Variants in ELF1 observed in about 807,000 individuals in gnomAD.
ELF1 encodes ETS-related transcription factor Elf-1.
In ELF1, 24 loss-of-function variants were observed where a neutral mutation model predicts 59.9. That is an observed-to-expected ratio of 0.40 (90% CI 0.29 to 0.56). ELF1 has a LOEUF of 0.56. ELF1 is among the 20% of genes least tolerant of loss of function. The pLI is 0.44. For missense variants in ELF1, 627 were observed against 742.2 expected, an observed-to-expected ratio of 0.84 and a Z score of 1.80; for synonymous variants, 248 against 266.2, an observed-to-expected ratio of 0.93 and a Z score of 0.67.
intron 1 of ELF1, among the ~76,000 whole-genome samples, chr13:41,028,945 A>G (rs1280890169): frequency 2.0e-5 from 3 of 151,928 alleles, no homozygotes; most frequent in Non-Finnish European, 4.4e-5. Flanking sequence ...GGGTTTCACC[A>G]TATTGGCCAG....
chr13:41,052,819 A>G (rs1054207347), intron 1 of ELF1, among the ~76,000 whole-genome samples: 13 of 152,242 alleles, frequency 8.5e-5, no homozygotes, highest in Non-Finnish European at 2.9e-5. Context: ...AATGATCTAC[A>G]TTATATGGCA....
chr13:40,944,748 A>G (rs1257937636), intron 5 of ELF1, among the ~76,000 whole-genome samples: 4 of 152,204 alleles, frequency 2.6e-5, no homozygotes, highest in Non-Finnish European at 5.9e-5. Flanking sequence ...TATGTGAGAA[A>G]CAATGAAGAG....
intron 1 of ELF1, among the ~76,000 whole-genome samples, chr13:41,014,518 A>G (rs1219636996): frequency 6.6e-6 from 1 of 152,124 alleles, no homozygotes; most frequent in Non-Finnish European, 1.5e-5. Flanking sequence ...CATTTGTAGT[A>G]CTGCTCAACA....
Position 40,940,996 on chromosome 13 carries a change from G to A in ELF1, c.1181C>T (p.Ala394Val). 1 of 1,614,218 alleles carries A rather than the reference G, an allele frequency of 6.2e-7. No individual in the cohort carries two copies. Among genetic ancestry groups the A allele is most frequent in the Non-Finnish European group, 8.5e-7 (1 of 1,180,036 alleles). Residue 394 changes from alanine (A) to valine (V), a missense_variant, in exon 8 of 9, where the codon GCT (alanine) becomes GTT (valine). Physicochemically the swap from Ala to Val is moderately conservative, Grantham distance 64. Transcript: ENST00000239882. ...RTVHVVQPVQAVPEGEAARTS... is the reference protein window; with the variant it reads ...RTVHVVQPVQVVPEGEAARTS... ...TCTAGCTGCTTCTCCCTCTGGGACA[G>A]CCTGTACTGGCTGTACTACATGAAC...
chr13:41,013,387 G>C (rs1841465917), intron 1 of ELF1, among the ~76,000 whole-genome samples: 1 of 152,116 alleles, frequency 6.6e-6, no homozygotes, highest in African/African-American at 2.4e-5. Context: ...TTCTGGTACA[G>C]ACAAACAATG....
chr13:40,982,954 CT>C (rs149282647), intron 1 of ELF1: 103,820 of 784,116 alleles, frequency 0.13, 7,764 homozygotes, highest in Admixed American at 0.16. Flanking sequence ...GGAAACAGCA[CT>C]TGACCACGTC....
At chr13:41,012,312 CAAAAAAAAAA>C (rs56791748) in intron 1 of ELF1, among the ~76,000 whole-genome samples, 1 of 65,044 alleles carries the variant, frequency 1.5e-5, no homozygotes, top group African/African-American at 5.9e-5. Flanking sequence ...GACTCTGTCT[CAAAAAAAAAA>C]AAAAAAAAAA....
At chr13:41,028,058 A>G (rs528715781) in intron 1 of ELF1, among the ~76,000 whole-genome samples, 2 of 152,182 alleles carry the variant, frequency 1.3e-5, no homozygotes, top group African/African-American at 2.4e-5. Flanking sequence ...ACCATTACCC[A>G]CAAGCAAAAT....
chr13:40,955,771 G>GT (rs1233729069), intron 3 of ELF1, among the ~76,000 whole-genome samples: 3 of 124,800 alleles, frequency 2.4e-5, no homozygotes, highest in African/African-American at 6.0e-5. Context: ...CGGGAGGGAG[G>GT]CGGGGGGGTC....
chr13:40,963,462 T>G (rs1397549136), intron 2 of ELF1, among the ~76,000 whole-genome samples: 3 of 152,250 alleles, frequency 2.0e-5, no homozygotes, highest in Admixed American at 6.5e-5. Flanking sequence ...CTTCTCCTTC[T>G]GAGGTACTTG....
chr13:41,013,295 A>G (rs1335928733), intron 1 of ELF1, among the ~76,000 whole-genome samples: 2 of 152,208 alleles, frequency 1.3e-5, no homozygotes, highest in Non-Finnish European at 2.9e-5. Flanking sequence ...CAGAACTTCT[A>G]CATTTATGTC....
intron 1 of ELF1, among the ~76,000 whole-genome samples, chr13:40,991,073 G>A (rs1372843425): frequency 1.3e-5 from 2 of 152,088 alleles, no homozygotes; most frequent in Non-Finnish European, 2.9e-5. Context: ...CCCATGTCTA[G>A]TCATGAGGAA....
chr13:41,060,088 G>A (rs887084827), intron 1 of ELF1, among the ~76,000 whole-genome samples: 15 of 152,214 alleles, frequency 9.9e-5, no homozygotes, highest in African/African-American at 3.4e-4. Flanking sequence ...AAGTTGGGAA[G>A]ACCTCGCAGG....
At chr13:40,953,569 C>G (rs536658999) in intron 3 of ELF1, among the ~76,000 whole-genome samples, 20 of 152,204 alleles carry the variant, frequency 1.3e-4, no homozygotes, top group Non-Finnish European at 2.6e-4. Context: ...TCTCAGACTT[C>G]TAGCTTCCAG....
At chr13:40,995,067 A>T (rs1874061720) in intron 1 of ELF1, among the ~76,000 whole-genome samples, 2 of 152,180 alleles carry the variant, frequency 1.3e-5, no homozygotes, top group African/African-American at 2.4e-5. Flanking sequence ...TAGAAACTGT[A>T]TTCTGTTATA....
intron 1 of ELF1, among the ~76,000 whole-genome samples, chr13:40,999,007 A>T (rs1874266471): frequency 6.6e-6 from 1 of 152,210 alleles, no homozygotes. Flanking sequence ...ACAAAAAAAG[A>T]ATAGTTTAGT....
intron 2 of ELF1, among the ~76,000 whole-genome samples, chr13:40,976,998 C>T (rs1357619868): frequency 6.6e-6 from 1 of 152,010 alleles, no homozygotes; most frequent in African/African-American, 2.4e-5. Flanking sequence ...CCAAACTTCT[C>T]TCTAGTGACT....
Position 40,942,243 on chromosome 13 carries a change from TG to T in ELF1, c.806+708del, listed in dbSNP as rs528995881. On this transcript the variant is annotated intron_variant, in intron 7 of 8. Coordinates refer to ENST00000239882, the MANE Select transcript of ELF1 (RefSeq NM_172373.4). ...GTGTATGTTAAAAAAACCCAAAAAC[TG>T]TAATTAAAGAGTTTTAGTTTAAGAC... is the stretch of plus-strand genomic sequence containing the variant. Among the ~76,000 whole-genome samples the T allele has an allele frequency of 4.6e-5, 7 of 152,258 alleles. No homozygotes were observed. The South Asian group carries it at 1.5e-3, about 32-fold the overall frequency.
chr13:40,951,479 T>G, intron 3 of ELF1, 43 bp from the exon 4 acceptor site: 5 of 1,491,930 alleles, frequency 3.4e-6, no homozygotes, highest in South Asian at 1.1e-5. Flanking sequence ...CTACGAGACA[T>G]CTGTTACTCT....
Sources: gnomAD v4.1 joint callset for allele counts (sites outside exome capture counted in the v4.1 genomes callset) on GRCh38, gnomAD v4.1.1 for gene constraint, MANE v1.5 for transcripts, NCBI Gene and HGNC (gene_info 2026-07-23, HGNC 2026-07-21) for gene names.